The following APBB2 variants were observed in gnomAD, a reference collection of about 807,000 sequenced individuals.
APBB2 encodes the protein Fe65-like 1.
A neutral mutation model predicts 82.5 loss-of-function variants in APBB2; 38 were observed. The ratio of observed to expected loss-of-function variants is 0.46; its 90% CI spans 0.36 to 0.60. The LOEUF (loss-of-function observed/expected upper bound fraction) is 0.60, where lower values mean the gene tolerates loss of function less well. APBB2 is among the 20% of genes least tolerant of loss of function. The probability of loss-of-function intolerance (pLI) is 0.00; values close to 1 mark genes in which losing one functional copy is unlikely to be tolerated. For synonymous variants in APBB2, 341 were observed against 368.2 expected, an observed-to-expected ratio of 0.93 and a Z score of 0.85; for missense variants, 772 against 972.3, an observed-to-expected ratio of 0.79 and a Z score of 2.74.
chr4:40,816,390 A>G, intron 17 of APBB2, 131 bp from the exon 18 acceptor site: 1 of 954,036 alleles, frequency 1.0e-6, no homozygotes, highest in Non-Finnish European at 1.5e-6. Flanking sequence ...CATAAATCCA[A>G]GAGTTATTTT....
chr4:40,892,156 G>T (rs1202497082), intron 11 of APBB2, among the ~76,000 whole-genome samples: 1 of 152,030 alleles, frequency 6.6e-6, no homozygotes, highest in Admixed American at 6.6e-5. Context: ...TCACCATGTT[G>T]GCCAGGCTGG....
At chr4:41,161,191 A>C (rs1171038121) in intron 1 of APBB2, among the ~76,000 whole-genome samples, 1 of 143,850 alleles carries the variant, frequency 7.0e-6, no homozygotes, top group Non-Finnish European at 1.5e-5. Flanking sequence ...AAAAAAAAAA[A>C]AAACGTGGTA....
chr4:41,069,259 CT>C (rs879690200), intron 3 of APBB2, among the ~76,000 whole-genome samples: 2 of 152,176 alleles, frequency 1.3e-5, no homozygotes, highest in Non-Finnish European at 2.9e-5. Flanking sequence ...TCCTAGCTGC[CT>C]CTTAAAACAG....
At chr4:40,890,652 A>G (rs541802205) in intron 11 of APBB2, among the ~76,000 whole-genome samples, 161 bp from the exon 12 acceptor site, 113 of 151,992 alleles carry the variant, frequency 7.4e-4, no homozygotes, top group African/African-American at 2.6e-3. Flanking sequence ...AAGAATATTG[A>G]TATCTTTCAG....
intron 2 of APBB2, among the ~76,000 whole-genome samples, chr4:41,131,946 A>G (rs1371018976): frequency 1.3e-5 from 2 of 152,100 alleles, no homozygotes; most frequent in African/African-American, 2.4e-5. Context: ...AGGCTGAGGC[A>G]GGAGAATCAC....
In APBB2 at chr4:40,935,828, G is replaced by GT. The variant is rs1279445768; in HGVS notation, c.1045-690dup. Among the ~76,000 whole-genome samples, 5 of 151,810 alleles carry GT rather than the reference G, an allele frequency of 3.3e-5. No homozygotes were observed. The South Asian group carries it at 8.3e-4, about 25-fold the overall frequency. On this transcript the variant is annotated intron_variant, in intron 7 of 17. Transcript: ENST00000508593. Reference sequence around the variant, plus strand: ...TTGATCATGAAATGATTTTCTAAACGTAATTATAGTGCAAGGCATGAAGCC... The same window carrying GT: ...TTGATCATGAAATGATTTTCTAAACGTTAATTATAGTGCAAGGCATGAAGCC...
chr4:40,858,598 T>G (rs1436580047), intron 12 of APBB2, among the ~76,000 whole-genome samples: 1 of 152,082 alleles, frequency 6.6e-6, no homozygotes, highest in Non-Finnish European at 1.5e-5. Flanking sequence ...AGGGAGTATT[T>G]AACTATAGGT....
intron 3 of APBB2, among the ~76,000 whole-genome samples, chr4:41,097,735 A>G (rs965634737): frequency 2.6e-5 from 4 of 152,184 alleles, no homozygotes; most frequent in African/African-American, 7.2e-5. Flanking sequence ...CAAGTTTCCA[A>G]AAATCTACCT....
At chr4:41,115,791 C>T (rs1343091923) in intron 2 of APBB2, among the ~76,000 whole-genome samples, 2 of 152,144 alleles carry the variant, frequency 1.3e-5, no homozygotes, top group Admixed American at 1.3e-4. Flanking sequence ...ATTAGAATGG[C>T]GATCATTAAA....
At chr4:41,065,728 T>C (rs911653536) in intron 3 of APBB2, 55 bp from the exon 4 acceptor site, 15 of 110,090 alleles carry the variant, frequency 1.4e-4, no homozygotes, top group African/African-American at 4.6e-4. Context: ...CTTAGGATAA[T>C]GACAGCTTTT....
intron 12 of APBB2, among the ~76,000 whole-genome samples, chr4:40,884,334 A>G (rs2154347914): frequency 6.6e-6 from 1 of 152,348 alleles, no homozygotes; most frequent in East Asian, 1.9e-4. Flanking sequence ...AAAGTTTTGC[A>G]TATTCTAAAT....
intron 5 of APBB2, among the ~76,000 whole-genome samples, chr4:41,018,817 G>A (rs2154432252): frequency 6.6e-6 from 1 of 152,254 alleles, no homozygotes; most frequent in Middle Eastern, 3.4e-3. Flanking sequence ...CCTTAGAGTG[G>A]ACTCTGCCAT....
intron 4 of APBB2, among the ~76,000 whole-genome samples, chr4:41,049,865 A>G (rs1015439572): frequency 2.0e-5 from 3 of 152,162 alleles, no homozygotes; most frequent in Admixed American, 2.0e-4. Context: ...ACTCAGGGTT[A>G]AATGGATTAA....
chr4:40,822,449 C>G lies in APBB2; in HGVS notation c.1933-399G>C, dbSNP rs116043378. ...ACCAGAAAAAAGGGATTCACGGTAT[C>G]TTTCTTCGTCCAGTGATTCTTACCC... On this transcript the variant is annotated intron_variant, in intron 16 of 17. Transcript: ENST00000508593. The G allele has an allele frequency of 1.1e-3, 174 of 164,530 alleles. 1 individual carries two copies. The highest frequency in any genetic ancestry group is 4.1e-3 in the African/African-American group (172 of 41,980). The allele number at this position is 164,530 out of a possible 1,614,324, so 10.2% of individuals were successfully genotyped here. A position where few individuals can be genotyped will look rare whatever the true frequency, so the allele number is the denominator to read the frequency against.
chr4:41,139,964 A>ATATAC (rs1264037076), intron 2 of APBB2, among the ~76,000 whole-genome samples: 1 of 152,256 alleles, frequency 6.6e-6, no homozygotes, highest in African/African-American at 2.4e-5. Context: ...CACTAATGCA[A>ATATAC]GACACTAATG....
intron 2 of APBB2, among the ~76,000 whole-genome samples, chr4:41,136,504 C>G (rs1266650395): frequency 6.6e-6 from 1 of 152,076 alleles, no homozygotes; most frequent in African/African-American, 2.4e-5. Flanking sequence ...TAAAAGACTT[C>G]CCAGGAAAGT....
intron 4 of APBB2, among the ~76,000 whole-genome samples, chr4:41,046,118 A>G (rs934316933): frequency 2.0e-5 from 3 of 152,208 alleles, no homozygotes; most frequent in African/African-American, 7.2e-5. Context: ...TACGTCTTCT[A>G]TTCGTAAATG....
chr4:40,984,299 T>C (rs531857891), intron 6 of APBB2, among the ~76,000 whole-genome samples: 9 of 152,304 alleles, frequency 5.9e-5, no homozygotes, highest in Admixed American at 3.3e-4. Context: ...CAAAAGTTCA[T>C]GTGACTGAGC....
intron 1 of APBB2, among the ~76,000 whole-genome samples, chr4:41,191,403 G>A (rs917708918): frequency 2.0e-4 from 30 of 152,098 alleles, no homozygotes; most frequent in African/African-American, 6.5e-4. Flanking sequence ...TTATTTCTAC[G>A]CATTCATTTA....
Sources: gnomAD v4.1 joint callset for allele counts (sites outside exome capture counted in the v4.1 genomes callset) on GRCh38, gnomAD v4.1.1 for gene constraint, MANE v1.5 for transcripts, NCBI Gene and HGNC (gene_info 2026-07-23, HGNC 2026-07-21) for gene names.